The following NECTIN4 variants were observed in gnomAD, a reference collection of about 807,000 sequenced individuals.
The protein encoded by NECTIN4 is nectin cell adhesion molecule 4.
A neutral mutation model predicts 51.7 loss-of-function variants in NECTIN4; 19 were observed. The ratio of observed to expected loss-of-function variants is 0.37; its 90% CI spans 0.26 to 0.54. NECTIN4 has a LOEUF of 0.54. NECTIN4 is among the 20% of genes least tolerant of loss of function. The pLI is 0.86. For missense variants in NECTIN4, 619 were observed against 662.4 expected (o/e 0.93, Z 0.72); for synonymous variants, 283 against 286.9 (o/e 0.99, Z 0.14).
intron 1 of NECTIN4, among the ~76,000 whole-genome samples, chr1:161,080,647 GT>G (rs1653642963): frequency 6.6e-6 from 1 of 152,166 alleles, no homozygotes; most frequent in Non-Finnish European, 1.5e-5. Flanking sequence ...AAGGGCCCAG[GT>G]CAGAGGCCCA....
At chr1:161,077,417 C>A (rs955964193) in intron 3 of NECTIN4, 36 bp downstream of exon 3, 2 of 1,612,098 alleles carry the variant, frequency 1.2e-6, no homozygotes, top group Non-Finnish European at 1.7e-6. Context: ...GCTGAGAACC[C>A]CTTGGGCCTC....
intron 1 of NECTIN4, among the ~76,000 whole-genome samples, chr1:161,081,352 T>G: frequency 1.2e-4 from 18 of 144,276 alleles, no homozygotes; most frequent in East Asian, 2.0e-4. Context: ...AGTGCTAGGG[T>G]GGAGAGGAGG....
At position 161,073,243 on chromosome 1, in the gene NECTIN4, G is replaced by A. The variant is rs776880611; in HGVS notation, c.1290C>T (p.Asn430=). ...AEGHPDSLKD[N]SSCSVMSEEP... is the part of the protein sequence containing the mutation. The stretch of plus-strand genomic sequence containing the variant: ...GCCTCACCATCACAGAGCAGCTACT[G>A]TTGTCCTTGAGACTATCAGGGTGGC... Residue 430 remains asparagine, a synonymous_variant, in exon 8 of 9, where the codon AAC becomes AAT. Coordinates refer to ENST00000368012, the MANE Select transcript of NECTIN4 (RefSeq NM_030916.3). The A allele has an allele frequency of 1.9e-6, 3 of 1,614,100 alleles. No individual in the cohort carries two copies. Among genetic ancestry groups the A allele is most frequent in the Non-Finnish European group, 2.5e-6 (3 of 1,179,958 alleles).
chr1:161,078,910 G>T, intron 2 of NECTIN4, among the ~76,000 whole-genome samples: 1 of 152,098 alleles, frequency 6.6e-6, no homozygotes, highest in East Asian at 1.9e-4. Flanking sequence ...TACTCGGGAG[G>T]CTGAGGCAGG....
intron 3 of NECTIN4, among the ~76,000 whole-genome samples, chr1:161,076,905 T>G (rs1653436595): frequency 6.6e-6 from 1 of 152,268 alleles, no homozygotes; most frequent in Non-Finnish European, 1.5e-5. Context: ...CTGACAGTCT[T>G]ATCCCCTCCA....
In NECTIN4 at chr1:161,085,779, A is replaced by G. The variant is rs142204788; in HGVS notation, c.79+3439T>C. Among the ~76,000 whole-genome samples, 1,052 of 151,258 alleles carry G rather than the reference A, an allele frequency of 7.0e-3. 12 individuals are homozygous for G. Among genetic ancestry groups the G allele is most frequent in the African/African-American group, 0.024 (995 of 41,142 alleles). On this transcript the variant is annotated intron_variant, in intron 1 of 8. Transcript: ENST00000368012. The stretch of plus-strand genomic sequence containing the variant: ...AGTGGCGCGATCATGGCTCACTGCA[A>G]CTTCAGTCTCCTTGGATTCAGGCAA...
intron 1 of NECTIN4, among the ~76,000 whole-genome samples, chr1:161,084,253 G>A (rs1340386434): frequency 2.0e-5 from 3 of 152,202 alleles, no homozygotes; most frequent in African/African-American, 7.2e-5. Context: ...TGTGTCCAGA[G>A]GGAAGAGCTG....
At chr1:161,077,415 C>A (rs1477744389) in intron 3 of NECTIN4, 38 bp downstream of exon 3, 5 of 1,611,612 alleles carry the variant, frequency 3.1e-6, no homozygotes, top group Non-Finnish European at 3.4e-6. Flanking sequence ...CTGCTGAGAA[C>A]CCCTTGGGCC....
chr1:161,083,803 G>T (rs1262365275), intron 1 of NECTIN4, among the ~76,000 whole-genome samples: 6 of 152,158 alleles, frequency 3.9e-5, no homozygotes, highest in Non-Finnish European at 7.4e-5. Context: ...TGTGTACCCC[G>T]CCCGCTCCCA....
chr1:161,085,697 CTTTTT>C (rs397798727), intron 1 of NECTIN4, among the ~76,000 whole-genome samples: 6 of 133,894 alleles, frequency 4.5e-5, no homozygotes, highest in Non-Finnish European at 6.4e-5. Context: ...TTCGCCTCCT[CTTTTT>C]TTTTTTTTTT....
At chr1:161,073,120 T>TG (rs1488420485) in intron 8 of NECTIN4, 105 bp downstream of exon 8, 1 of 1,057,636 alleles carries the variant, frequency 9.5e-7, no homozygotes, top group African/African-American at 1.6e-5. Context: ...GAGCCAGGGC[T>TG]AAGGAAAGAG....
At chr1:161,077,909 C>T (rs1653492152) in intron 2 of NECTIN4, among the ~76,000 whole-genome samples, 166 bp from the exon 3 acceptor site, 1 of 152,070 alleles carries the variant, frequency 6.6e-6, no homozygotes, top group Admixed American at 6.6e-5. Context: ...ACTTTGTATC[C>T]TTCTCTACTG....
chr1:161,078,703 T>C (rs887713928), intron 2 of NECTIN4, among the ~76,000 whole-genome samples: 3 of 152,084 alleles, frequency 2.0e-5, no homozygotes, highest in Non-Finnish European at 4.4e-5. Context: ...GCCCACAATA[T>C]AAAGTGATGG....
At position 161,072,744 on chromosome 1, in the gene NECTIN4, G is replaced by C. The variant is rs1021730768; in HGVS notation, c.1450C>G (p.His484Asp). ...AGGGTCCCATTCTCCTGAACAAAAT[G>C]GTTCATGGCCTGTTTGATGCCTTCA... is the stretch of plus-strand genomic sequence containing the variant. ...QDEGIKQAMN[H>D]FVQENGTLRA... Residue 484 changes from histidine to aspartate, a missense_variant, in exon 9 of 9, where the codon CAT (histidine) becomes GAT (aspartate). Transcript: ENST00000368012. The C allele has an allele frequency of 1.2e-6, 2 of 1,614,216 alleles. No individual in the cohort carries two copies. Among genetic ancestry groups the C allele is most frequent in the Non-Finnish European group, 1.7e-6 (2 of 1,180,034 alleles).
chr1:161,073,344 CTCCCCTCAGCCTCT>C (rs765693642), intron 7 of NECTIN4, 45 bp from the exon 8 acceptor site: 25 of 1,534,832 alleles, frequency 1.6e-5, no homozygotes, highest in Non-Finnish European at 1.9e-5. Context: ...GCTCAGCCTC[CTCCCCTCAGCCTCT>C]TCCCCTCTTG....
Position 161,076,244 on chromosome 1 carries a change from A to G in NECTIN4, c.851+111T>C, listed in dbSNP as rs150048993. On this transcript the variant is annotated intron_variant, in intron 4 of 8. Transcript: ENST00000368012. Reference sequence around the variant, plus strand: ...ACAAGAGATCTGAACACATACCCCAATTTATTTGGGGGCTCAGAATATGTT... The same window carrying G: ...ACAAGAGATCTGAACACATACCCCAGTTTATTTGGGGGCTCAGAATATGTT... 7.0e-5 allele frequency: 89 copies of G among 1,270,368 alleles called. No individual in the cohort carries two copies. The African/African-American group carries it at 9.3e-4, about 13-fold the overall frequency. The allele number at this position is 1,270,368 out of a possible 1,614,324, so 78.7% of individuals were successfully genotyped here.
At chr1:161,080,086 C>G (rs1653611269) in intron 1 of NECTIN4, 137 bp from the exon 2 acceptor site, 2 of 1,068,162 alleles carry the variant, frequency 1.9e-6, no homozygotes, top group Admixed American at 2.8e-5. Flanking sequence ...CAGTTCATTA[C>G]CTTATTAAAT....
chr1:161,079,106 C>T (rs1653550839), intron 2 of NECTIN4, among the ~76,000 whole-genome samples: 1 of 152,190 alleles, frequency 6.6e-6, no homozygotes, highest in Non-Finnish European at 1.5e-5. Flanking sequence ...ATGGCCACAC[C>T]ATTGCTGGGC....
chr1:161,073,603 T>A lies in NECTIN4; in HGVS notation c.1233+117A>T, dbSNP rs549347934. 3 of 981,300 alleles carry A rather than the reference T, an allele frequency of 3.1e-6. No homozygotes were observed. In the East Asian group the frequency reaches 7.1e-5, roughly 23 times the overall value. 60.8% of individuals were successfully genotyped at this position (981,300 alleles called of 1,614,324 possible). ...ACTCTACCCCGGCCAACCCCAGCTG[T>A]GAGTCAGTGGCTGACCCAGCAGAGA... On this transcript the variant is annotated intron_variant, in intron 7 of 8. Coordinates refer to ENST00000368012, the MANE Select transcript of NECTIN4 (RefSeq NM_030916.3).
Sources: allele counts gnomAD v4.1 joint callset (sites outside exome capture counted in the v4.1 genomes callset), GRCh38; gene constraint gnomAD v4.1.1; transcripts MANE v1.5; gene names NCBI Gene and HGNC (gene_info 2026-07-23, HGNC 2026-07-21).